Variants in SLC41A2 observed in about 807,000 individuals in gnomAD.
The protein encoded by SLC41A2 is SLC41A1-like 1.
In SLC41A2, 32 loss-of-function variants were observed where a neutral mutation model predicts 58.3. The observed-to-expected ratio is 0.55, with a 90% CI of 0.41 to 0.74. SLC41A2 has a LOEUF of 0.74. Ranked by LOEUF, SLC41A2 falls within the 30% of genes least tolerant of loss-of-function variation. The pLI, the probability that SLC41A2 is intolerant of heterozygous loss-of-function variation, is 0.00. For synonymous variants in SLC41A2, 190 were observed against 235.0 expected, an observed-to-expected ratio of 0.81 and a Z score of 1.75; for missense variants, 514 against 680.6, an observed-to-expected ratio of 0.76 and a Z score of 2.72.
intron 3 of SLC41A2, among the ~76,000 whole-genome samples, chr12:104,900,187 C>A (rs557832837): frequency 3.3e-5 from 5 of 152,284 alleles, no homozygotes; most frequent in African/African-American, 9.6e-5. Context: ...GTAGTATGGT[C>A]TTTTAAAGGT....
rs1464092404 is a variant in SLC41A2 at position 104,862,824 on chromosome 12, T to C, written c.1176-1454A>G. Among the ~76,000 whole-genome samples, 4 of 152,160 alleles carry C rather than the reference T, an allele frequency of 2.6e-5. No homozygotes were observed. The East Asian group carries it at 7.7e-4, about 29-fold the overall frequency. On this transcript the variant is annotated intron_variant, in intron 7 of 10. Transcript: ENST00000258538. ...TATACAACATGTTTTGAAATATGTA[T>C]ATATTGTAGAATGACTAAATTGAGC...
At chr12:104,807,321 G>A (rs1341404853) in intron 10 of SLC41A2, among the ~76,000 whole-genome samples, 6 of 152,136 alleles carry the variant, frequency 3.9e-5, no homozygotes, top group Non-Finnish European at 8.8e-5. Context: ...ATTAAATAGG[G>A]AATCCTTTCC....
intron 4 of SLC41A2, among the ~76,000 whole-genome samples, chr12:104,890,455 C>T (rs1462438238): frequency 2.0e-5 from 3 of 152,102 alleles, no homozygotes; most frequent in African/African-American, 2.4e-5. Context: ...ACTATGATTC[C>T]AAGTCCTGTC....
At chr12:104,874,654 T>A (rs2043960373) in intron 6 of SLC41A2, among the ~76,000 whole-genome samples, 1 of 152,172 alleles carries the variant, frequency 6.6e-6, no homozygotes, top group Non-Finnish European at 1.5e-5. Context: ...TGTTAAAAAT[T>A]ATTTGACTGT....
chr12:104,875,544 TA>T (rs1221262974), intron 6 of SLC41A2, among the ~76,000 whole-genome samples: 2 of 152,174 alleles, frequency 1.3e-5, no homozygotes, highest in Admixed American at 6.5e-5. Context: ...GTAATCCCAG[TA>T]ACTCAGGAGG....
intron 6 of SLC41A2, among the ~76,000 whole-genome samples, chr12:104,883,065 C>G (rs955040449): frequency 2.4e-4 from 36 of 152,128 alleles, no homozygotes; most frequent in Non-Finnish European, 4.9e-4. Flanking sequence ...TCATTTCATT[C>G]ATTTGATCTT....
At chr12:104,930,380 G>A (rs2047007149) in intron 1 of SLC41A2, among the ~76,000 whole-genome samples, 1 of 151,364 alleles carries the variant, frequency 6.6e-6, no homozygotes, top group Non-Finnish European at 1.5e-5. Context: ...TCCAGGTAAT[G>A]AAAGGCTGAG....
intron 6 of SLC41A2, among the ~76,000 whole-genome samples, chr12:104,883,288 T>C (rs974243752): frequency 6.6e-6 from 1 of 152,304 alleles, no homozygotes; most frequent in East Asian, 1.9e-4. Context: ...TTTGGAGAAG[T>C]CTGTTATTAC....
intron 8 of SLC41A2, 51 bp downstream of exon 8, chr12:104,861,240 A>G (rs1267784485): frequency 7.4e-7 from 1 of 1,346,796 alleles, no homozygotes; most frequent in East Asian, 2.4e-5. Flanking sequence ...CCTAAGACTA[A>G]GAGGATACGA....
intron 10 of SLC41A2, among the ~76,000 whole-genome samples, chr12:104,808,343 G>A (rs1045541638): frequency 3.3e-5 from 5 of 152,154 alleles, no homozygotes; most frequent in African/African-American, 1.2e-4. Context: ...TTTTGTCGTT[G>A]GTTCTGTTTA....
rs961380572 is a variant in SLC41A2, at chr12:104,834,131, C to G, written c.1536+10341G>C. ...CATGCTGTGCCTCCAATAAAGCAGACAGTCATTTCATCTTCTGTGCATCAC... is the reference window on the plus strand; with the variant it reads ...CATGCTGTGCCTCCAATAAAGCAGAGAGTCATTTCATCTTCTGTGCATCAC... On this transcript the variant is annotated intron_variant, in intron 10 of 10. Transcript: ENST00000258538. 9 of 985,236 alleles carry G rather than the reference C, an allele frequency of 9.1e-6. No homozygotes were observed. The South Asian group carries it at 3.8e-4, about 41-fold the overall frequency. The allele number at this position is 985,236 out of a possible 1,614,324, so 61.0% of individuals were successfully genotyped here.
chr12:104,906,583 A>C (rs2045861796), intron 3 of SLC41A2, among the ~76,000 whole-genome samples: 1 of 152,148 alleles, frequency 6.6e-6, no homozygotes, highest in African/African-American at 2.4e-5. Context: ...ATTCCTAAGG[A>C]TATATTTGTC....
intron 7 of SLC41A2, 27 bp downstream of exon 7, chr12:104,866,405 C>G (rs747060747): frequency 6.2e-7 from 1 of 1,600,008 alleles, no homozygotes; most frequent in Non-Finnish European, 8.5e-7. Context: ...CACACACACA[C>G]ACACACACAC....
intron 7 of SLC41A2, among the ~76,000 whole-genome samples, chr12:104,865,357 A>T (rs1174027294): frequency 6.6e-6 from 1 of 152,112 alleles, no homozygotes; most frequent in African/African-American, 2.4e-5. Flanking sequence ...TTGAGAGGTT[A>T]TTCTTGTCTT....
intron 7 of SLC41A2, among the ~76,000 whole-genome samples, chr12:104,862,571 T>TA: frequency 6.6e-6 from 1 of 152,272 alleles, no homozygotes; most frequent in South Asian, 2.1e-4. Context: ...ATGAAGAAAG[T>TA]AAAAACCAAC....
chr12:104,958,576 A>C (rs370549306), upstream of SLC41A2: 7 of 152,420 alleles, frequency 4.6e-5, no homozygotes, highest in African/African-American at 1.7e-4. Flanking sequence ...CCTCTTCCCC[A>C]CCAGCCCACG....
intron 8 of SLC41A2, among the ~76,000 whole-genome samples, chr12:104,855,216 T>C (rs1044890812): frequency 2.0e-5 from 3 of 152,194 alleles, no homozygotes; most frequent in Non-Finnish European, 2.9e-5. Context: ...TACTATTTAA[T>C]AAATGCAAAA....
chr12:104,869,281 A>G (rs2043638558), intron 6 of SLC41A2, among the ~76,000 whole-genome samples: 1 of 152,228 alleles, frequency 6.6e-6, no homozygotes, highest in Admixed American at 6.5e-5. Flanking sequence ...AGTGAATTAC[A>G]TGGCATGTGA....
At chr12:104,855,143 TTTCA>T (rs2042973597) in intron 8 of SLC41A2, among the ~76,000 whole-genome samples, 2 of 152,220 alleles carry the variant, frequency 1.3e-5, no homozygotes, top group Non-Finnish European at 2.9e-5. Flanking sequence ...ATTCTTTTCT[TTTCA>T]TTGTCAATTA....
Sources: gnomAD v4.1 joint callset for allele counts (sites outside exome capture counted in the v4.1 genomes callset) on GRCh38, gnomAD v4.1.1 for gene constraint, MANE v1.5 for transcripts, NCBI Gene and HGNC (gene_info 2026-07-23, HGNC 2026-07-21) for gene names.